POU2F3: variants seen among roughly 807,000 people sequenced by gnomAD.
POU2F3 encodes the protein POU class 2 homeobox 3, also known as POU domain, class 2, transcription factor 3.
In POU2F3, 23 loss-of-function variants were observed where a neutral mutation model predicts 59.2. The observed-to-expected ratio is 0.39, with a 90% CI of 0.28 to 0.55. The LOEUF is 0.55. Among genes scored for constraint, POU2F3 ranks in the 20% least tolerant of loss-of-function variants. The pLI is 0.66. For missense variants in POU2F3, 473 were observed against 544.5 expected, an observed-to-expected ratio of 0.87 and a Z score of 1.31; for synonymous variants, 190 against 214.6, an observed-to-expected ratio of 0.89 and a Z score of 1.00.
intron 2 of POU2F3, among the ~76,000 whole-genome samples, chr11:120,251,020 T>C (rs1458670210): frequency 6.6e-6 from 1 of 151,210 alleles, no homozygotes; most frequent in African/African-American, 2.4e-5. Context: ...TACACTAGAG[T>C]GTGGTAGGGT....
intron 2 of POU2F3, among the ~76,000 whole-genome samples, chr11:120,268,220 T>G (rs1939918279): frequency 6.6e-6 from 1 of 152,176 alleles, no homozygotes; most frequent in South Asian, 2.1e-4. Flanking sequence ...GAAACAATTA[T>G]AAATAATATC....
intron 3 of POU2F3, among the ~76,000 whole-genome samples, chr11:120,282,893 C>T (rs151331759): frequency 1.3e-5 from 2 of 152,296 alleles, no homozygotes; most frequent in African/African-American, 2.4e-5. Context: ...CATCTGAGGG[C>T]TTGGAAGTGG....
chr11:120,276,137 C>T (rs1940310906), intron 3 of POU2F3, among the ~76,000 whole-genome samples: 2 of 152,190 alleles, frequency 1.3e-5, no homozygotes, highest in Admixed American at 1.3e-4. Context: ...GTAAGTGCCC[C>T]CCCACAACCA....
intron 10 of POU2F3, among the ~76,000 whole-genome samples, chr11:120,314,750 A>G (rs1323309868): frequency 1.3e-5 from 2 of 152,152 alleles, no homozygotes; most frequent in East Asian, 3.9e-4. Flanking sequence ...GGGAGGGTAA[A>G]CAAAGTTATC....
intron 2 of POU2F3, among the ~76,000 whole-genome samples, chr11:120,247,655 A>G (rs973113922): frequency 6.6e-6 from 1 of 152,232 alleles, no homozygotes. Flanking sequence ...GGGTCTGTGG[A>G]GAGGGGCACC....
At chr11:120,297,268 A>G (rs1941217605) in intron 3 of POU2F3, among the ~76,000 whole-genome samples, 1 of 152,218 alleles carries the variant, frequency 6.6e-6, no homozygotes, top group South Asian at 2.1e-4. Flanking sequence ...GGGTAGGCAC[A>G]AGCAGCACTT....
chr11:120,318,581 C>G lies in POU2F3; in HGVS notation c.*189C>G. ...ATCCAAACTGTGATTGAACCAAGTGCAGACTCCTAATGCTCTTGAAATACA... is the reference window on the plus strand; with the variant it reads ...ATCCAAACTGTGATTGAACCAAGTGGAGACTCCTAATGCTCTTGAAATACA... On this transcript the variant is annotated 3_prime_UTR_variant, in exon 13 of 13. Coordinates refer to ENST00000543440, the MANE Select transcript of POU2F3 (RefSeq NM_014352.4). The G allele has an allele frequency of 4.9e-6, 3 of 612,562 alleles. No homozygotes were observed. In the South Asian group the frequency reaches 6.1e-5, roughly 12 times the overall value. The allele number at this position is 612,562 out of a possible 1,614,324, so 37.9% of individuals were successfully genotyped here. A position where few individuals can be genotyped will look rare whatever the true frequency, so the allele number is the denominator to read the frequency against.
chr11:120,245,110 A>T (rs1436513551), intron 1 of POU2F3, among the ~76,000 whole-genome samples: 1 of 152,082 alleles, frequency 6.6e-6, no homozygotes, highest in African/African-American at 2.4e-5. Context: ...CTTAAACCAC[A>T]GTGACTCCTG....
upstream of POU2F3, among the ~76,000 whole-genome samples, chr11:120,239,982 G>T (rs980174710): frequency 2.0e-5 from 3 of 152,206 alleles, no homozygotes; most frequent in South Asian, 2.1e-4. Context: ...TGTTCCGCGG[G>T]ATCGAGACCC....
At chr11:120,311,138 T>A (rs988481075) in intron 10 of POU2F3, among the ~76,000 whole-genome samples, 1 of 148,424 alleles carries the variant, frequency 6.7e-6, no homozygotes, top group Non-Finnish European at 1.5e-5. Context: ...TGAGGAGGAG[T>A]GTTGAAAGAT....
intron 2 of POU2F3, among the ~76,000 whole-genome samples, chr11:120,268,644 C>A (rs1002011388): frequency 2.0e-5 from 3 of 152,274 alleles, no homozygotes; most frequent in African/African-American, 7.2e-5. Flanking sequence ...TTCCAGCCAC[C>A]AAAAGACATT....
At chr11:120,257,554 A>G (rs1402232486) in intron 2 of POU2F3, among the ~76,000 whole-genome samples, 2 of 151,884 alleles carry the variant, frequency 1.3e-5, no homozygotes. Flanking sequence ...CTCTGTTCTC[A>G]GGGCCTCTGA....
upstream of POU2F3, among the ~76,000 whole-genome samples, chr11:120,237,536 G>A (rs1406265635): frequency 2.0e-5 from 3 of 152,144 alleles, no homozygotes; most frequent in African/African-American, 7.2e-5. Context: ...TCAAATATGG[G>A]CCTCTCTGAC....
chr11:120,237,752 G>A (rs1938536386), upstream of POU2F3, among the ~76,000 whole-genome samples: 1 of 152,152 alleles, frequency 6.6e-6, no homozygotes, highest in Non-Finnish European at 1.5e-5. Flanking sequence ...GGTGAGTGCA[G>A]TTGTAGGTAA....
intron 2 of POU2F3, among the ~76,000 whole-genome samples, chr11:120,248,737 G>C (rs761047813): frequency 6.6e-6 from 1 of 152,182 alleles, no homozygotes; most frequent in Non-Finnish European, 1.5e-5. Flanking sequence ...CTGTGTTTAA[G>C]GGCAAGAAGA....
chr11:120,282,704 A>G (rs1040571468), intron 3 of POU2F3, among the ~76,000 whole-genome samples: 1 of 152,244 alleles, frequency 6.6e-6, no homozygotes, highest in Non-Finnish European at 1.5e-5. Flanking sequence ...ATTTTCAGAG[A>G]TCAAAGAATG....
intron 2 of POU2F3, among the ~76,000 whole-genome samples, chr11:120,260,334 T>C (rs764600652): frequency 2.6e-5 from 4 of 152,234 alleles, no homozygotes; most frequent in Non-Finnish European, 4.4e-5. Context: ...GCCCCACGCC[T>C]AGCTCCTGGT....
At position 120,307,441 on chromosome 11, in the gene POU2F3, C is replaced by T. The variant is rs765246113; in HGVS notation, c.770-38C>T. 7 of 1,609,180 alleles carry T rather than the reference C, an allele frequency of 4.4e-6. No homozygotes were observed. The Admixed American group carries it at 8.4e-5, about 19-fold the overall frequency. On this transcript the variant is annotated intron_variant, in intron 8 of 12. Transcript: ENST00000543440. ...CATGAAGGCACCGGCCACTCATCCC[C>T]TTCTCTGAGCTTCCTCTGGTCCTTC...
chr11:120,244,343 C>G (rs140016026), intron 1 of POU2F3, among the ~76,000 whole-genome samples: 2 of 152,190 alleles, frequency 1.3e-5, no homozygotes, highest in African/African-American at 2.4e-5. Context: ...GCCTAAGTGT[C>G]TGTTTAATTA....
Sources: allele counts gnomAD v4.1 joint callset (sites outside exome capture counted in the v4.1 genomes callset), GRCh38; gene constraint gnomAD v4.1.1; transcripts MANE v1.5; gene names NCBI Gene and HGNC (gene_info 2026-07-23, HGNC 2026-07-21).